TCF7L2: variants seen among roughly 807,000 people sequenced by gnomAD.
TCF7L2 encodes transcription factor 7-like 2.
In TCF7L2, 23 loss-of-function variants were observed where a neutral mutation model predicts 77.9. The observed-to-expected ratio is 0.30, with a 90% CI of 0.21 to 0.42. The LOEUF (loss-of-function observed/expected upper bound fraction) is 0.42. Among genes scored for constraint, TCF7L2 ranks in the 10% least tolerant of loss-of-function variants. The pLI, the probability that TCF7L2 is intolerant of heterozygous loss-of-function variation, is 1.00. For missense variants in TCF7L2, 654 were observed against 793.1 expected (o/e 0.82, Z 2.11); for synonymous variants, 413 against 340.2 (o/e 1.21, Z -2.36).
chr10:113,156,092 C>G (rs113324506), intron 11 of TCF7L2, among the ~76,000 whole-genome samples: 2 of 151,156 alleles, frequency 1.3e-5, no homozygotes, highest in African/African-American at 4.9e-5. Flanking sequence ...CAGAACCTAA[C>G]GTGTTCTCGA....
At chr10:113,146,789 T>C (rs1432948473) in intron 8 of TCF7L2, among the ~76,000 whole-genome samples, 2 of 152,310 alleles carry the variant, frequency 1.3e-5, no homozygotes, top group East Asian at 3.9e-4. Flanking sequence ...CTGATGTGTA[T>C]CTTATACGCA....
chr10:113,090,775 A>AT (rs1334696747), intron 5 of TCF7L2, among the ~76,000 whole-genome samples: 4 of 151,788 alleles, frequency 2.6e-5, no homozygotes, highest in African/African-American at 9.7e-5. Context: ...AGCCCAGCTA[A>AT]TTTTTTGTAT....
At chr10:112,972,045 C>T (rs534866525) in intron 4 of TCF7L2, among the ~76,000 whole-genome samples, 20 of 152,132 alleles carry the variant, frequency 1.3e-4, no homozygotes, top group African/African-American at 4.6e-4. Flanking sequence ...TTTAGCCTCC[C>T]GCTGGCCGTC....
chr10:113,153,907 G>A (rs974368012), intron 11 of TCF7L2, among the ~76,000 whole-genome samples: 5 of 152,116 alleles, frequency 3.3e-5, no homozygotes, highest in Non-Finnish European at 5.9e-5. Context: ...TTTTAAACCC[G>A]TGCTTGCCAT....
chr10:113,155,249 A>G (rs537458574), intron 11 of TCF7L2, among the ~76,000 whole-genome samples: 1 of 152,272 alleles, frequency 6.6e-6, no homozygotes, highest in Non-Finnish European at 1.5e-5. Flanking sequence ...TCCCATAGTA[A>G]TATGTAACCC....
chr10:112,969,133 T>G (rs1268844082), intron 4 of TCF7L2, among the ~76,000 whole-genome samples: 1 of 152,204 alleles, frequency 6.6e-6, no homozygotes, highest in African/African-American at 2.4e-5. Context: ...TTTCCAGTTA[T>G]TTGGCTTCTT....
chr10:113,001,870 C>A (rs1309967460), intron 4 of TCF7L2, among the ~76,000 whole-genome samples: 1 of 152,182 alleles, frequency 6.6e-6, no homozygotes, highest in African/African-American at 2.4e-5. Flanking sequence ...GAATTAAAAG[C>A]CCCTTTGAAA....
At position 112,994,966 on chromosome 10, in the gene TCF7L2, G is replaced by C. The variant is rs867196786; in HGVS notation, c.450+30342G>C. ...AATACAAAAATTAGCCAGGCCTGGTGGTGGGCGCCTGTAATCCCAGCTACT... is the reference window on the plus strand; with the variant it reads ...AATACAAAAATTAGCCAGGCCTGGTCGTGGGCGCCTGTAATCCCAGCTACT... On this transcript the variant is annotated intron_variant, in intron 4 of 13. Coordinates refer to ENST00000627217, the MANE Select transcript of TCF7L2 (RefSeq NM_001146274.2). Among the ~76,000 whole-genome samples the C allele has an allele frequency of 3.9e-5, 6 of 152,240 alleles. No individual in the cohort carries two copies. In the East Asian group the frequency reaches 5.8e-4, roughly 15 times the overall value.
At chr10:113,009,097 G>A (rs1052179744) in intron 4 of TCF7L2, among the ~76,000 whole-genome samples, 6 of 152,072 alleles carry the variant, frequency 3.9e-5, no homozygotes, top group Admixed American at 2.6e-4. Flanking sequence ...CACCAGGCCC[G>A]ACTAATTTTT....
chr10:113,143,395 C>T (rs1331244104), intron 6 of TCF7L2, among the ~76,000 whole-genome samples: 1 of 152,236 alleles, frequency 6.6e-6, no homozygotes, highest in Non-Finnish European at 1.5e-5. Flanking sequence ...TTCTCCAGCT[C>T]ATCCAAATAG....
At chr10:113,017,811 A>T (rs1476374980) in intron 4 of TCF7L2, among the ~76,000 whole-genome samples, 2 of 152,184 alleles carry the variant, frequency 1.3e-5, no homozygotes, top group Non-Finnish European at 2.9e-5. Context: ...TGGGCCTATT[A>T]ATGGGGTCTC....
rs1173480894 is a variant in TCF7L2 at position 112,964,769 on chromosome 10, GTGGTGGTGA to G, written c.450+154_450+162del. The G allele has an allele frequency of 4.3e-4, 306 of 715,226 alleles. 1 individual carries two copies. The African/African-American group carries it at 5.1e-3, about 12-fold the overall frequency. 44.3% of individuals were successfully genotyped at this position (715,226 alleles called of 1,614,324 possible). ...GGTGGTGGTGGTGGTGATGGTGGTGGTGGTGGTGATGGTGGTGGTGGTGATGGTGGTGGT... is the reference window on the plus strand; with the variant it reads ...GGTGGTGGTGGTGGTGATGGTGGTGGTGGTGGTGGTGGTGATGGTGGTGGT... On this transcript the variant is annotated intron_variant, in intron 4 of 13. Transcript: ENST00000627217.
chr10:113,089,132 G>A (rs1484776622), intron 5 of TCF7L2, among the ~76,000 whole-genome samples: 2 of 152,188 alleles, frequency 1.3e-5, no homozygotes, highest in Non-Finnish European at 2.9e-5. Context: ...ATGCCCATTA[G>A]GAGAATGGTG....
chr10:113,118,520 G>GTGT (rs1555084612), intron 5 of TCF7L2, among the ~76,000 whole-genome samples: 11,320 of 141,380 alleles, frequency 0.08, 527 homozygotes, highest in African/African-American at 0.13. Flanking sequence ...TCATCTGGGG[G>GTGT]GTGTGTGTGT....
In TCF7L2 at chr10:113,165,669, C is replaced by T. The variant is rs765693671; in HGVS notation, c.1506C>T (p.Ser502=). The T allele has an allele frequency of 1.9e-6, 3 of 1,611,296 alleles. No homozygotes were observed. The highest frequency in any genetic ancestry group is 2.5e-6 in the Non-Finnish European group (3 of 1,178,800). ...CCCCCTCCCCGAACCTGCTAGGCTC[C>T]CCTCCCCGAGACGCCAAGTCACAGA... Residue 502 remains serine, a synonymous_variant, in exon 14 of 14, where the codon TCC becomes TCT. Coordinates refer to ENST00000627217, the MANE Select transcript of TCF7L2 (RefSeq NM_001146274.2).
chr10:113,039,599 A>G (rs2052059340), intron 4 of TCF7L2, among the ~76,000 whole-genome samples: 1 of 152,208 alleles, frequency 6.6e-6, no homozygotes, highest in African/African-American at 2.4e-5. Flanking sequence ...GTTGAAAAGG[A>G]GCAGATTTGG....
chr10:113,053,421 G>A (rs982355170), intron 5 of TCF7L2, among the ~76,000 whole-genome samples: 7 of 152,164 alleles, frequency 4.6e-5, no homozygotes, highest in African/African-American at 1.7e-4. Context: ...TCGGGATCCT[G>A]CTGGGCGCAG....
At chr10:112,991,951 A>G (rs1199587856) in intron 4 of TCF7L2, among the ~76,000 whole-genome samples, 1 of 152,184 alleles carries the variant, frequency 6.6e-6, no homozygotes, top group Non-Finnish European at 1.5e-5. Context: ...CAGGGTGTAC[A>G]TTGCACCAAA....
intron 4 of TCF7L2, among the ~76,000 whole-genome samples, chr10:113,003,513 C>T (rs1177204669): frequency 6.6e-6 from 1 of 152,174 alleles, no homozygotes; most frequent in Non-Finnish European, 1.5e-5. Context: ...TGTCCCTGCC[C>T]TCTCTTATCC....
Sources: gnomAD v4.1 joint callset for allele counts (sites outside exome capture counted in the v4.1 genomes callset) on GRCh38, gnomAD v4.1.1 for gene constraint, MANE v1.5 for transcripts, NCBI Gene and HGNC (gene_info 2026-07-23, HGNC 2026-07-21) for gene names.